Variants in CAP1 observed in about 807,000 individuals in gnomAD.
The protein encoded by CAP1 is adenylyl cyclase-associated protein 1.
In CAP1, 11 loss-of-function variants were observed where a neutral mutation model predicts 58.2. The ratio of observed to expected loss-of-function variants is 0.19; its 90% CI spans 0.12 to 0.31. CAP1 has a LOEUF of 0.31. Ranked by LOEUF, CAP1 falls within the 10% of genes least tolerant of loss-of-function variation. The probability of loss-of-function intolerance (pLI) is 1.00; values close to 1 mark genes in which losing one functional copy is unlikely to be tolerated. For missense variants in CAP1, 423 were observed against 587.5 expected, an observed-to-expected ratio of 0.72 and a Z score of 2.89; for synonymous variants, 183 against 213.8, an observed-to-expected ratio of 0.86 and a Z score of 1.26.
At chr1:40,071,149 GT>G (rs1453779212) in intron 12 of CAP1, among the ~76,000 whole-genome samples, 170 bp downstream of exon 12, 4 of 152,298 alleles carry the variant, frequency 2.6e-5, no homozygotes, top group African/African-American at 9.6e-5. Flanking sequence ...AGCCCCAAAG[GT>G]AGGTGCTTTC....
chr1:40,057,448 C>T (rs1396026844), intron 1 of CAP1: 1 of 152,142 alleles, frequency 6.6e-6, no homozygotes, highest in African/African-American at 2.4e-5. Flanking sequence ...GAGAGTAGGA[C>T]ATAGACCTGG....
chr1:40,062,512 G>A (rs1570403893), intron 4 of CAP1, among the ~76,000 whole-genome samples: 1 of 152,268 alleles, frequency 6.6e-6, no homozygotes, highest in Non-Finnish European at 1.5e-5. Flanking sequence ...CACTTTGGGA[G>A]GCTGAGGCAG....
At chr1:40,044,576 G>T (rs1645993762) in intron 1 of CAP1, among the ~76,000 whole-genome samples, 1 of 151,960 alleles carries the variant, frequency 6.6e-6, no homozygotes, top group African/African-American at 2.4e-5. Flanking sequence ...TATTTACAAA[G>T]AATAAATTCT....
chr1:40,063,160 T>G (rs1184986367), intron 4 of CAP1, among the ~76,000 whole-genome samples: 1 of 146,306 alleles, frequency 6.8e-6, no homozygotes, highest in Non-Finnish European at 1.5e-5. Flanking sequence ...CATGCCTGGC[T>G]TGCTTATTTA....
chr1:40,057,917 C>G (rs1646685345), intron 1 of CAP1, among the ~76,000 whole-genome samples: 1 of 152,168 alleles, frequency 6.6e-6, no homozygotes, highest in Non-Finnish European at 1.5e-5. Context: ...GTGCATTGAT[C>G]ATATTTTACA....
intron 1 of CAP1, among the ~76,000 whole-genome samples, chr1:40,048,480 T>TA (rs1199215450): frequency 6.6e-6 from 1 of 152,232 alleles, no homozygotes; most frequent in Non-Finnish European, 1.5e-5. Context: ...TGTGACATGT[T>TA]AAAACCTCGT....
At chr1:40,040,475 A>G (rs910115240), upstream of CAP1, 12 of 152,286 alleles carry the variant, frequency 7.9e-5, no homozygotes, top group African/African-American at 2.7e-4. Flanking sequence ...CGGGTAGGTA[A>G]AGCGGAACGA....
At chr1:40,070,020 A>C in intron 9 of CAP1, 139 bp from the exon 10 acceptor site, 1 of 1,424,086 alleles carries the variant, frequency 7.0e-7, no homozygotes, top group Non-Finnish European at 9.6e-7. Flanking sequence ...AGGAGTAGGA[A>C]CAGGAGGTTA....
rs1172932063 is a variant in CAP1, at chr1:40,070,906, C to T, written c.1271C>T (p.Ser424Phe). 1.2e-6 allele frequency: 2 copies of T among 1,613,618 alleles called. No individual in the cohort carries two copies. Residue 424 changes from serine to phenylalanine, a missense_variant, in exon 12 of 13, where the codon TCC (serine) becomes TTC (phenylalanine). Ser to Phe is a radical substitution (Grantham distance 155, BLOSUM62 -2). Coordinates refer to ENST00000372805, the MANE Select transcript of CAP1 (RefSeq NM_006367.4). ...DGCHAYLSKN[S>F]LDCEIVSAKS... Reference sequence around the variant, plus strand: ...TGCCATGCTTACCTGAGCAAGAATTCCCTGGATTGTGAAATAGTCAGTGCC... The same window carrying T: ...TGCCATGCTTACCTGAGCAAGAATTTCCTGGATTGTGAAATAGTCAGTGCC...
intron 1 of CAP1, among the ~76,000 whole-genome samples, chr1:40,053,694 A>G (rs1646484483): frequency 6.6e-6 from 1 of 152,034 alleles, no homozygotes; most frequent in Non-Finnish European, 1.5e-5. Flanking sequence ...TGACCCACTC[A>G]CCTCAGCCTC....
intron 1 of CAP1, among the ~76,000 whole-genome samples, chr1:40,045,022 G>A (rs910295462): frequency 2.6e-5 from 4 of 151,852 alleles, no homozygotes; most frequent in African/African-American, 9.7e-5. Context: ...CTGATCTCGT[G>A]ATCTGCTCGC....
At chr1:40,063,640 T>A (rs1646952278) in intron 4 of CAP1, among the ~76,000 whole-genome samples, 1 of 152,236 alleles carries the variant, frequency 6.6e-6, no homozygotes, top group Non-Finnish European at 1.5e-5. Flanking sequence ...ATTTGATTCA[T>A]CAGTTCTTTA....
intron 7 of CAP1, chr1:40,067,288 A>G (rs1317604278): frequency 2.4e-6 from 1 of 419,958 alleles, no homozygotes; most frequent in Non-Finnish European, 4.2e-6. Flanking sequence ...GATTTGTGGA[A>G]ATAGTTTTTA....
At chr1:40,047,064 C>A (rs1646141520) in intron 1 of CAP1, among the ~76,000 whole-genome samples, 1 of 137,678 alleles carries the variant, frequency 7.3e-6, no homozygotes, top group Non-Finnish European at 1.5e-5. Context: ...AGCCATCGCG[C>A]CCGGCCACAT....
intron 8 of CAP1, chr1:40,069,443 A>C (rs1647372767): frequency 2.7e-6 from 1 of 365,566 alleles, no homozygotes; most frequent in South Asian, 5.6e-5. Flanking sequence ...ATAGAGGATA[A>C]GGATTTACAT....
At chr1:40,044,518 T>G (rs1056441486) in intron 1 of CAP1, among the ~76,000 whole-genome samples, 3 of 152,180 alleles carry the variant, frequency 2.0e-5, no homozygotes, top group African/African-American at 7.2e-5. Context: ...CTTTTTAAAG[T>G]TCTCTAAGAA....
chr1:40,060,085 T>C lies in CAP1; in HGVS notation c.131T>C (p.Val44Ala). 1 of 1,613,488 alleles carries C rather than the reference T, an allele frequency of 6.2e-7. No homozygotes were observed. The highest frequency in any genetic ancestry group is 1.7e-4 in the Middle Eastern group (1 of 5,760). ...TCTTTAGCAGGAGCAGCTCCATATG[T>C]GCAGGCATTTGACTCGCTGCTTGCT... ...SPSKAGAAPY[V>A]QAFDSLLAGP... is the part of the protein sequence containing the mutation. Residue 44 changes from valine (V) to alanine (A), a missense_variant, in exon 3 of 13, where the codon GTG becomes GCG. Val to Ala is a moderately conservative substitution (Grantham distance 64). Coordinates refer to ENST00000372805, the MANE Select transcript of CAP1 (RefSeq NM_006367.4).
At chr1:40,049,836 T>C (rs1262900613) in intron 1 of CAP1, among the ~76,000 whole-genome samples, 1 of 152,188 alleles carries the variant, frequency 6.6e-6, no homozygotes, top group Non-Finnish European at 1.5e-5. Context: ...GCCCCCATAT[T>C]TGCAAATCAG....
intron 12 of CAP1, 131 bp from the exon 13 acceptor site, chr1:40,071,319 G>A: frequency 1.5e-6 from 1 of 659,264 alleles, no homozygotes; most frequent in Non-Finnish European, 2.7e-6. Context: ...GGCTCTGTGG[G>A]TTTGTCTCTT....
Sources: gnomAD v4.1 joint callset for allele counts (sites outside exome capture counted in the v4.1 genomes callset) on GRCh38, gnomAD v4.1.1 for gene constraint, MANE v1.5 for transcripts, NCBI Gene and HGNC (gene_info 2026-07-23, HGNC 2026-07-21) for gene names.